PCDHGA11: variants seen among roughly 807,000 people sequenced by gnomAD.
The protein encoded by PCDHGA11 is protocadherin gamma subfamily A, 11.
A neutral mutation model predicts 60.4 loss-of-function variants in PCDHGA11; 39 were observed. The ratio of observed to expected loss-of-function variants is 0.65; its 90% CI spans 0.50 to 0.84. The LOEUF (loss-of-function observed/expected upper bound fraction) is 0.84, where lower values mean the gene tolerates loss of function less well. Ranked by LOEUF, PCDHGA11 falls within the 40% of genes least tolerant of loss-of-function variation. The probability of loss-of-function intolerance (pLI) is 0.00; values close to 1 mark genes in which losing one functional copy is unlikely to be tolerated. For synonymous variants in PCDHGA11, 533 were observed against 510.3 expected (o/e 1.04, Z -0.60); for missense variants, 1,165 against 1,197.7 (o/e 0.97, Z 0.40).
chr5:141,477,845 G>A lies in PCDHGA11; in HGVS notation c.2434-16962G>A, dbSNP rs1164464559. On this transcript the variant is annotated intron_variant, in intron 1 of 3. Transcript: ENST00000398587. This position sits in a 1 kb window ranked among gnomAD's most constrained non-coding sequence, Gnocchi z 4.9. ...ATATCCTCGGCCAGGTGGGAGCTCGGTGGAGATGCTGCCTCGAGGTACCTC... is the reference window on the plus strand; with the variant it reads ...ATATCCTCGGCCAGGTGGGAGCTCGATGGAGATGCTGCCTCGAGGTACCTC... 11 of 1,614,040 alleles carry A rather than the reference G, an allele frequency of 6.8e-6. No individual in the cohort carries two copies. The highest frequency in any genetic ancestry group is 9.3e-6 in the Non-Finnish European group (11 of 1,180,036).
chr5:141,478,013 C>G (rs768425714), intron 1 of PCDHGA11: 6 of 1,614,136 alleles, frequency 3.7e-6, no homozygotes. Flanking sequence ...TACTGCCCGT[C>G]CAGTCCAAGA....
chr5:141,506,180 G>T (rs548366782), intron 3 of PCDHGA11, among the ~76,000 whole-genome samples: 44 of 152,294 alleles, frequency 2.9e-4, no homozygotes, highest in Non-Finnish European at 5.7e-4. Context: ...GCTGGGCGTG[G>T]TGGCTCACGC....
chr5:141,452,888 C>T (rs62379168), intron 1 of PCDHGA11, among the ~76,000 whole-genome samples: 13,856 of 152,130 alleles, frequency 0.091, 849 homozygotes, highest in African/African-American at 0.17. Flanking sequence ...TAATTTATTC[C>T]ACTTTTATTA....
rs1015726657 is a variant in PCDHGA11 at position 141,422,058 on chromosome 5, A to G, written c.831A>G (p.Glu277=). The part of the protein sequence containing the change: ...ATDPDEGING[E]VMYSFRNMES... ...ATCCAGACGAGGGAATCAACGGGGAAGTAATGTATTCATTTCGGAACATGG... is the reference window on the plus strand; with the variant it reads ...ATCCAGACGAGGGAATCAACGGGGAGGTAATGTATTCATTTCGGAACATGG... The change falls in exon 1 of 4, where the codon GAA becomes GAG. Residue 277 remains glutamate, a synonymous_variant. Coordinates refer to ENST00000398587, the MANE Select transcript of PCDHGA11 (RefSeq NM_018914.3). 3 of 1,611,890 alleles carry G rather than the reference A, an allele frequency of 1.9e-6. No individual in the cohort carries two copies. Among genetic ancestry groups the G allele is most frequent in the African/African-American group, 2.7e-5 (2 of 74,774 alleles).
intron 1 of PCDHGA11, among the ~76,000 whole-genome samples, chr5:141,445,620 C>T (rs561235315): frequency 2.0e-5 from 3 of 151,966 alleles, no homozygotes; most frequent in African/African-American, 4.8e-5. Context: ...TTCTTTTTTT[C>T]GGAAAGTGAT....
chr5:141,504,941 T>G (rs2099842166), intron 2 of PCDHGA11, among the ~76,000 whole-genome samples: 1 of 152,046 alleles, frequency 6.6e-6, no homozygotes, highest in East Asian at 1.9e-4. Flanking sequence ...GGTGGGGGAA[T>G]GCACTATGTT....
chr5:141,423,265 G>A lies in PCDHGA11; in HGVS notation c.2038G>A (p.Glu680Lys), dbSNP rs973635802. The change falls in exon 1 of 4, where the codon GAG becomes AAG. Residue 680 changes from glutamate (E) to lysine (K), a missense_variant. Glu to Lys is a moderately conservative substitution (Grantham distance 56). Transcript: ENST00000398587. The part of the protein sequence containing the change: ...PEVLADLGSL[E>K]SLANSETSDL... Reference sequence around the variant, plus strand: ...AGTCCTGGCGGACCTCGGCAGCCTCGAGTCTCTGGCTAACTCTGAAACCTC... The same window carrying A: ...AGTCCTGGCGGACCTCGGCAGCCTCAAGTCTCTGGCTAACTCTGAAACCTC... 15 of 1,613,548 alleles carry A rather than the reference G, an allele frequency of 9.3e-6. No homozygotes were observed. The highest frequency in any genetic ancestry group is 1.3e-5 in the African/African-American group (1 of 74,662).
At chr5:141,446,837 T>G (rs2098518039) in intron 1 of PCDHGA11, among the ~76,000 whole-genome samples, 1 of 152,168 alleles carries the variant, frequency 6.6e-6, no homozygotes, top group South Asian at 2.1e-4. Flanking sequence ...CTTATAAGGC[T>G]GAGCATAATA....
At chr5:141,443,054 A>G (rs1591749542) in intron 1 of PCDHGA11, among the ~76,000 whole-genome samples, 1 of 152,218 alleles carries the variant, frequency 6.6e-6, no homozygotes. Flanking sequence ...TTATTGTTCC[A>G]CTGAAGAGCG....
chr5:141,493,656 T>C lies in PCDHGA11; in HGVS notation c.2434-1151T>C, dbSNP rs1481871984. Among the ~76,000 whole-genome samples, 1 of 152,184 alleles carries C rather than the reference T, an allele frequency of 6.6e-6. No homozygotes were observed. Among genetic ancestry groups the C allele is most frequent in the African/African-American group, 2.4e-5 (1 of 41,454 alleles). ...CTGAGGGCTGGCCATCCCTGTGCCC[T>C]TCTCCATGGCAGCCCCAGAATGGTG... On this transcript the variant is annotated intron_variant, in intron 1 of 3. Coordinates refer to ENST00000398587, the MANE Select transcript of PCDHGA11 (RefSeq NM_018914.3). The surrounding 1 kb of genome is among the most constrained non-coding windows in gnomAD (Gnocchi z 4.3).
rs1399250599 is a variant in PCDHGA11, at chr5:141,476,902, C to A, written c.2434-17905C>A. On this transcript the variant is annotated intron_variant, in intron 1 of 3. Coordinates refer to ENST00000398587, the MANE Select transcript of PCDHGA11 (RefSeq NM_018914.3). The surrounding 1 kb of genome is among the most constrained non-coding windows in gnomAD (Gnocchi z 7.6). ...TGGAGGATGCACCCTCCGGCACGCG[C>A]GTGGTACAAGTCCTTGCAACGGATC... 5 of 1,613,880 alleles carry A rather than the reference C, an allele frequency of 3.1e-6. No individual in the cohort carries two copies. Among genetic ancestry groups the A allele is most frequent in the South Asian group, 1.1e-5 (1 of 91,090 alleles).
chr5:141,478,163 C>G (rs779617960), intron 1 of PCDHGA11: 22 of 1,614,028 alleles, frequency 1.4e-5, no homozygotes, highest in Non-Finnish European at 1.9e-5. Context: ...TGGCTCTGCC[C>G]CCCGGGAGCA....
At chr5:141,498,971 GGGAAGGAAGGAAGGAAGGAA>G (rs201769957) in intron 2 of PCDHGA11, among the ~76,000 whole-genome samples, 1,566 of 111,048 alleles carry the variant, frequency 0.014, 32 homozygotes, top group African/African-American at 0.048. Flanking sequence ...GAGGGAGGGA[GGGAAGGAAGGAAGGAAGGAA>G]GGAAGGAAGG....
intron 1 of PCDHGA11, among the ~76,000 whole-genome samples, chr5:141,425,293 T>A (rs1332220576): frequency 1.3e-5 from 2 of 152,172 alleles, no homozygotes; most frequent in African/African-American, 4.8e-5. Context: ...TTATAAAACC[T>A]CATCTAAACT....
chr5:141,506,577 A>G (rs2099855057), intron 3 of PCDHGA11, among the ~76,000 whole-genome samples: 1 of 152,162 alleles, frequency 6.6e-6, no homozygotes, highest in South Asian at 2.1e-4. Flanking sequence ...TTCACTTACT[A>G]TTAATGGGCA....
At chr5:141,426,096 T>C (rs1296875718) in intron 1 of PCDHGA11, among the ~76,000 whole-genome samples, 6 of 152,230 alleles carry the variant, frequency 3.9e-5, no homozygotes, top group Non-Finnish European at 8.8e-5. Flanking sequence ...GATATTCTGT[T>C]CAGTCACAGA....
chr5:141,432,416 C>T lies in PCDHGA11; in HGVS notation c.2433+8756C>T. 4 of 1,614,258 alleles carry T rather than the reference C, an allele frequency of 2.5e-6. No individual in the cohort carries two copies. Among genetic ancestry groups the T allele is most frequent in the Non-Finnish European group, 3.4e-6 (4 of 1,180,048 alleles). ...CAACGTGTCGTTGAGCCTGTTCGTG[C>T]TGGACCAGAACGACAATGCGCCCGA... On this transcript the variant is annotated intron_variant, in intron 1 of 3. Coordinates refer to ENST00000398587, the MANE Select transcript of PCDHGA11 (RefSeq NM_018914.3). The surrounding 1 kb of genome is among the most constrained non-coding windows in gnomAD (Gnocchi z 6.0).
intron 1 of PCDHGA11, chr5:141,441,551 T>C (rs2098254450): frequency 5.4e-6 from 1 of 184,050 alleles, no homozygotes; most frequent in African/African-American, 2.4e-5. Flanking sequence ...GCCTCCATAG[T>C]GTGCAAGTAG....
intron 2 of PCDHGA11, among the ~76,000 whole-genome samples, chr5:141,500,948 A>G (rs1055841985): frequency 1.8e-4 from 28 of 151,592 alleles, no homozygotes; most frequent in Non-Finnish European, 4.4e-5. Context: ...GGCTCACTGC[A>G]AGCTCCACCT....
Sources: gnomAD v4.1 joint callset for allele counts (sites outside exome capture counted in the v4.1 genomes callset) on GRCh38, gnomAD v4.1.1 for gene constraint, Gnocchi (gnomAD v3.1) non-coding constraint, MANE v1.5 for transcripts, NCBI Gene and HGNC (gene_info 2026-07-23, HGNC 2026-07-21) for gene names.